Variants in SLCO3A1 observed in about 807,000 individuals in gnomAD.
The protein encoded by SLCO3A1 is solute carrier organic anion transporter family member 3A1.
A neutral mutation model predicts 63.1 loss-of-function variants in SLCO3A1; 27 were observed. The observed-to-expected ratio is 0.43, with a 90% CI of 0.32 to 0.59. The LOEUF is 0.59. Ranked by LOEUF, SLCO3A1 falls within the 20% of genes least tolerant of loss-of-function variation. The pLI is 0.09. For missense variants in SLCO3A1, 773 were observed against 945.8 expected (o/e 0.82, Z 2.40); for synonymous variants, 473 against 409.9 (o/e 1.15, Z -1.86).
At position 91,976,641 on chromosome 15, in the gene SLCO3A1, A is replaced by G. The variant is rs943335379; in HGVS notation, c.646+60183A>G. ...CCGATATTCACGTAGGTTCTTTTCT[A>G]TTTTCCTTAAGTGCCGGCCAGCTTG... On this transcript the variant is annotated intron_variant, in intron 2 of 9. Coordinates refer to ENST00000318445, the MANE Select transcript of SLCO3A1 (RefSeq NM_013272.4). Among the ~76,000 whole-genome samples, 4 of 152,174 alleles carry G rather than the reference A, an allele frequency of 2.6e-5. No homozygotes were observed. In the East Asian group the frequency reaches 5.8e-4, roughly 22 times the overall value.
intron 2 of SLCO3A1, among the ~76,000 whole-genome samples, chr15:92,013,076 GAC>G (rs1260630696): frequency 6.6e-6 from 1 of 152,214 alleles, no homozygotes; most frequent in Non-Finnish European, 1.5e-5. Context: ...GAGGGAGACT[GAC>G]ATCTCCACTG....
At chr15:92,146,323 C>A (rs74028826) in intron 7 of SLCO3A1, among the ~76,000 whole-genome samples, 36 of 152,178 alleles carry the variant, frequency 2.4e-4, no homozygotes, top group Non-Finnish European at 5.9e-5. Context: ...ACTTTTCTTT[C>A]TTCTCTCTGA....
intron 4 of SLCO3A1, 67 bp downstream of exon 4, chr15:92,104,609 G>A: frequency 6.6e-7 from 1 of 1,511,566 alleles, no homozygotes; most frequent in Non-Finnish European, 8.9e-7. Flanking sequence ...GATGAATGAA[G>A]GGGTGGCACC....
chr15:91,969,953 C>G (rs1900799184), intron 2 of SLCO3A1, among the ~76,000 whole-genome samples: 2 of 152,152 alleles, frequency 1.3e-5, no homozygotes, highest in African/African-American at 4.8e-5. Context: ...CTAGCTAGTT[C>G]TGTGTGTGTC....
chr15:91,969,309 A>G (rs2151427483), intron 2 of SLCO3A1, among the ~76,000 whole-genome samples: 1 of 132,182 alleles, frequency 7.6e-6, no homozygotes, highest in Admixed American at 7.3e-5. Flanking sequence ...GTATATATAT[A>G]ATTTTTTTTT....
At chr15:92,115,036 A>G (rs1047549965) in intron 4 of SLCO3A1, among the ~76,000 whole-genome samples, 2 of 149,520 alleles carry the variant, frequency 1.3e-5, no homozygotes, top group Non-Finnish European at 3.0e-5. Flanking sequence ...GAGCCGTGAC[A>G]GTGGTGTGTT....
At chr15:92,132,279 T>C (rs2151572277) in intron 7 of SLCO3A1, among the ~76,000 whole-genome samples, 1 of 146,044 alleles carries the variant, frequency 6.8e-6, no homozygotes, top group South Asian at 2.2e-4. Context: ...TATAGGGAAA[T>C]CTGATTAGTG....
chr15:92,122,860 A>C (rs2047879467), intron 5 of SLCO3A1, among the ~76,000 whole-genome samples: 1 of 152,212 alleles, frequency 6.6e-6, no homozygotes, highest in Admixed American at 6.5e-5. Flanking sequence ...ATGTGGTTGA[A>C]TCTCACAGAG....
At position 91,883,179 on chromosome 15, in the gene SLCO3A1, T is replaced by A. The variant is rs1461806371; in HGVS notation, c.180+29091T>A. 6.6e-6 allele frequency among the ~76,000 whole-genome samples: 1 copy of A among 152,224 alleles called. No individual in the cohort carries two copies. The highest frequency in any genetic ancestry group is 1.5e-5 in the Non-Finnish European group (1 of 68,048). On this transcript the variant is annotated intron_variant, in intron 1 of 9. Transcript: ENST00000318445. This position sits in a 1 kb window ranked among gnomAD's most constrained non-coding sequence, Gnocchi z 4.8. ...AGGCTGGTGGATAACAAAGTATCCCTCCTTCCCCTTTTTTAACAGCGGGCA... is the reference window on the plus strand; with the variant it reads ...AGGCTGGTGGATAACAAAGTATCCCACCTTCCCCTTTTTTAACAGCGGGCA...
intron 1 of SLCO3A1, among the ~76,000 whole-genome samples, chr15:91,906,786 C>T (rs1229526766): frequency 2.0e-5 from 3 of 152,198 alleles, no homozygotes; most frequent in African/African-American, 7.2e-5. Context: ...GAATTGAAAG[C>T]TCCGATCCTG....
chr15:91,988,804 A>C (rs1185830734), intron 2 of SLCO3A1, among the ~76,000 whole-genome samples: 1 of 152,226 alleles, frequency 6.6e-6, no homozygotes, highest in Admixed American at 6.5e-5. Context: ...ATATATGCAC[A>C]CAACAGCTTT....
At position 91,941,264 on chromosome 15, in the gene SLCO3A1, T is replaced by G; in HGVS notation, c.646+24806T>G. 1 of 240,726 alleles carries G rather than the reference T, an allele frequency of 4.2e-6. No individual in the cohort carries two copies. The highest frequency in any genetic ancestry group is 4.7e-5 in the South Asian group (1 of 21,478). The allele number at this position is 240,726 out of a possible 1,614,324, so 14.9% of individuals were successfully genotyped here. A position where few individuals can be genotyped will look rare whatever the true frequency, so the allele number is the denominator to read the frequency against. ...CTCCTGAGAAGGGAATGTGAGCTGG[T>G]TTAGGTGTGTTGGGGCAGGGCGGGG... On this transcript the variant is annotated intron_variant, in intron 2 of 9. Coordinates refer to ENST00000318445, the MANE Select transcript of SLCO3A1 (RefSeq NM_013272.4). The surrounding 1 kb of genome is among the most constrained non-coding windows in gnomAD (Gnocchi z 4.4).
intron 2 of SLCO3A1, among the ~76,000 whole-genome samples, chr15:91,938,010 T>G (rs1899477211): frequency 6.6e-6 from 1 of 152,164 alleles, no homozygotes; most frequent in South Asian, 2.1e-4. Flanking sequence ...ACATTCAGAT[T>G]CCCACCTGGC....
chr15:91,931,211 T>G (rs533412761), intron 2 of SLCO3A1, among the ~76,000 whole-genome samples: 2 of 152,302 alleles, frequency 1.3e-5, no homozygotes, highest in African/African-American at 4.8e-5. Flanking sequence ...AAACTCGGTT[T>G]TTCATAGGTG....
Position 92,128,339 on chromosome 15 carries a change from T to C in SLCO3A1, c.1374-12T>C. 1 of 1,613,402 alleles carries C rather than the reference T, an allele frequency of 6.2e-7. No individual in the cohort carries two copies. Among genetic ancestry groups the C allele is most frequent in the South Asian group, 1.1e-5 (1 of 90,968 alleles). ...TGTTTCTAATGGCTTCCGTGTTTCCTTTCTTTTCCAGCACAGCACCTGGCT... is the reference window on the plus strand; with the variant it reads ...TGTTTCTAATGGCTTCCGTGTTTCCCTTCTTTTCCAGCACAGCACCTGGCT... On this transcript the variant is annotated splice_polypyrimidine_tract_variant and intron_variant, in intron 6 of 9. Coordinates refer to ENST00000318445, the MANE Select transcript of SLCO3A1 (RefSeq NM_013272.4).
chr15:92,128,565 G>T (rs1369045050), intron 7 of SLCO3A1, 76 bp downstream of exon 7: 7 of 1,353,098 alleles, frequency 5.2e-6, no homozygotes, highest in Non-Finnish European at 6.0e-6. Flanking sequence ...TTTTGCCCAG[G>T]TTGTTCGCCT....
chr15:92,038,087 C>G (rs2046749963), intron 2 of SLCO3A1, among the ~76,000 whole-genome samples: 1 of 152,160 alleles, frequency 6.6e-6, no homozygotes, highest in Non-Finnish European at 1.5e-5. Flanking sequence ...TGTACTGGAG[C>G]TGAAAGACAT....
intron 1 of SLCO3A1, among the ~76,000 whole-genome samples, chr15:91,869,804 A>T (rs1352631608): frequency 6.6e-6 from 1 of 152,194 alleles, no homozygotes; most frequent in Non-Finnish European, 1.5e-5. Flanking sequence ...TGCAGTTTGG[A>T]TTGGAAAACT....
intron 1 of SLCO3A1, among the ~76,000 whole-genome samples, chr15:91,904,322 G>T (rs1195173949): frequency 6.6e-6 from 1 of 152,154 alleles, no homozygotes; most frequent in Admixed American, 6.5e-5. Context: ...TTTTACTCCT[G>T]GGGGAGCGAG....
Sources: allele counts gnomAD v4.1 joint callset (sites outside exome capture counted in the v4.1 genomes callset), GRCh38; gene constraint gnomAD v4.1.1; non-coding constraint Gnocchi (gnomAD v3.1); transcripts MANE v1.5; gene names NCBI Gene and HGNC (gene_info 2026-07-23, HGNC 2026-07-21).